Variants in DLG2 observed in about 807,000 individuals in gnomAD.
DLG2 encodes the protein discs large MAGUK scaffold protein 2, also known as disks large homolog 2.
DLG2 carries 45 observed loss-of-function variants against 132.5 expected under a neutral mutation model. The ratio of observed to expected loss-of-function variants is 0.34; its 90% CI spans 0.27 to 0.44. The LOEUF (loss-of-function observed/expected upper bound fraction) is 0.44. Among genes scored for constraint, DLG2 ranks in the 20% least tolerant of loss-of-function variants. The probability of loss-of-function intolerance (pLI) is 1.00; values close to 1 mark genes in which losing one functional copy is unlikely to be tolerated. For synonymous variants in DLG2, 424 were observed against 419.6 expected (o/e 1.01, Z -0.13); for missense variants, 1,045 against 1,196.9 (o/e 0.87, Z 1.87).
intron 6 of DLG2, among the ~76,000 whole-genome samples, chr11:85,075,258 A>C (rs1013388029): frequency 5.3e-5 from 8 of 151,924 alleles, no homozygotes; most frequent in Non-Finnish European, 1.0e-4. Context: ...CTTTGGCAAT[A>C]TCTCTTAAAA....
chr11:85,354,728 T>TTCTC (rs371530943), intron 3 of DLG2, among the ~76,000 whole-genome samples: 7 of 149,476 alleles, frequency 4.7e-5, no homozygotes, highest in Admixed American at 2.0e-4. Context: ...ACGTCACTGT[T>TTCTC]TCTCTCTCTC....
At chr11:84,523,158 A>T (rs2099309680) in intron 7 of DLG2, among the ~76,000 whole-genome samples, 1 of 152,178 alleles carries the variant, frequency 6.6e-6, no homozygotes, top group Non-Finnish European at 1.5e-5. Context: ...TTAAATTTAG[A>T]TTTGTTCTTA....
At chr11:83,891,655 T>C (rs1439790872) in intron 15 of DLG2, among the ~76,000 whole-genome samples, 2 of 152,120 alleles carry the variant, frequency 1.3e-5, no homozygotes, top group African/African-American at 4.8e-5. Context: ...CAGGGACCAG[T>C]CCTTACAGAG....
At chr11:85,095,969 T>G (rs933148907) in intron 6 of DLG2, among the ~76,000 whole-genome samples, 11 of 152,204 alleles carry the variant, frequency 7.2e-5, no homozygotes, top group Non-Finnish European at 1.0e-4. Context: ...AGAACCTTCG[T>G]GTCTAGCTAA....
At chr11:85,447,769 G>A (rs1012821238) in intron 3 of DLG2, among the ~76,000 whole-genome samples, 1 of 151,848 alleles carries the variant, frequency 6.6e-6, no homozygotes, top group Non-Finnish European at 1.5e-5. Context: ...ATTATGAAAA[G>A]GTCAAATCCC....
At position 84,943,153 on chromosome 11, in the gene DLG2, CGTGTGTGTGT is replaced by C. The variant is rs148197793; in HGVS notation, c.357+168498_357+168507del. Reference sequence around the variant, plus strand: ...TCCTGTAGGCCACAGATTTTTGGGTCGTGTGTGTGTGTGCGTGTGTGTGTGTGTGTGTGTG... The same window carrying C: ...TCCTGTAGGCCACAGATTTTTGGGTCGTGCGTGTGTGTGTGTGTGTGTGTG... On this transcript the variant is annotated intron_variant, in intron 6 of 27. Transcript: ENST00000376104. Among the ~76,000 whole-genome samples, 161 of 136,466 alleles carry C rather than the reference CGTGTGTGTGT, an allele frequency of 1.2e-3. 2 individuals are homozygous for C. Among genetic ancestry groups the C allele is most frequent in the African/African-American group, 4.5e-3 (157 of 35,068 alleles). 89.5% of individuals were successfully genotyped at this position (136,466 alleles called of 152,430 possible).
chr11:83,858,568 T>C (rs1051138939), intron 16 of DLG2, among the ~76,000 whole-genome samples: 7 of 152,174 alleles, frequency 4.6e-5, no homozygotes, highest in Non-Finnish European at 8.8e-5. Context: ...CTTAGATCAT[T>C]TTCTCACAAG....
intron 7 of DLG2, among the ~76,000 whole-genome samples, chr11:84,296,072 G>T (rs2098084719): frequency 6.6e-6 from 1 of 152,144 alleles, no homozygotes; most frequent in African/African-American, 2.4e-5. Context: ...CAATTGGTCT[G>T]GAAGGTGCAG....
intron 6 of DLG2, among the ~76,000 whole-genome samples, chr11:84,672,825 A>G (rs1378475160): frequency 6.6e-6 from 1 of 152,114 alleles, no homozygotes; most frequent in East Asian, 1.9e-4. Flanking sequence ...GGTAATTTAT[A>G]AACAAAAAAA....
chr11:83,461,505 G>C (rs2090006153), intron 27 of DLG2: 1 of 152,768 alleles, frequency 6.5e-6, no homozygotes, highest in Non-Finnish European at 1.5e-5. Context: ...ACTTGACACA[G>C]TGAACTGAAA....
At chr11:83,743,636 G>A (rs2092704518) in intron 18 of DLG2, among the ~76,000 whole-genome samples, 1 of 151,864 alleles carries the variant, frequency 6.6e-6, no homozygotes, top group African/African-American at 2.4e-5. Context: ...ATTTCACTAT[G>A]TTGCCCAGGC....
intron 3 of DLG2, among the ~76,000 whole-genome samples, chr11:85,342,726 C>T (rs747095507): frequency 1.3e-4 from 20 of 152,104 alleles, no homozygotes; most frequent in Admixed American, 9.2e-4. Flanking sequence ...TCGCCACAAA[C>T]GCATGAGTAA....
intron 11 of DLG2, among the ~76,000 whole-genome samples, chr11:83,984,531 G>A (rs1315288821): frequency 1.3e-5 from 2 of 152,004 alleles, no homozygotes; most frequent in African/African-American, 4.8e-5. Flanking sequence ...ATTTACAGGT[G>A]GAAATATCTA....
rs116066237 is a variant in DLG2 at position 84,806,152 on chromosome 11, A to G, written c.358-271421T>C. On this transcript the variant is annotated intron_variant, in intron 6 of 27. Coordinates refer to ENST00000376104, the MANE Select transcript of DLG2 (RefSeq NM_001142699.3). ...ATGAATTAAAACAATATATTGACCT[A>G]AAAAATCACAAGAGCCTCAGGGATC... 7.3e-3 allele frequency among the ~76,000 whole-genome samples: 1,117 copies of G among 152,304 alleles called. 17 individuals carry two copies. The highest frequency in any genetic ancestry group is 0.025 in the African/African-American group (1,020 of 41,564).
rs139368947 is a variant in DLG2 at position 85,601,678 on chromosome 11, C to G, written c.-92-2890G>C. 1.3e-3 allele frequency among the ~76,000 whole-genome samples: 201 copies of G among 152,228 alleles called. 1 individual carries two copies. The highest frequency in any genetic ancestry group is 4.6e-3 in the African/African-American group (190 of 41,540). On this transcript the variant is annotated intron_variant, in intron 2 of 27. Coordinates refer to ENST00000376104, the MANE Select transcript of DLG2 (RefSeq NM_001142699.3). ...ATGGCTGTATTGTCTTGCAAATTTG[C>G]TGAAAATTTAATGATAAGCTCTTGC...
Position 85,366,690 on chromosome 11 carries a change from G to A in DLG2, c.41-81325C>T, listed in dbSNP as rs144861132. ...TTGGGGGGTAGAGGATAAGTTCCTAGGGAATTTGCTGGATAAGAGAGTTAA... is the reference window on the plus strand; with the variant it reads ...TTGGGGGGTAGAGGATAAGTTCCTAAGGAATTTGCTGGATAAGAGAGTTAA... On this transcript the variant is annotated intron_variant, in intron 3 of 27. Transcript: ENST00000376104. Among the ~76,000 whole-genome samples, 700 of 152,208 alleles carry A rather than the reference G, an allele frequency of 4.6e-3. 27 individuals carry two copies. The highest frequency in any genetic ancestry group is 0.037 in the Admixed American group (560 of 15,276).
intron 11 of DLG2, among the ~76,000 whole-genome samples, chr11:84,044,171 A>T (rs1257438511): frequency 6.6e-6 from 1 of 151,754 alleles, no homozygotes; most frequent in African/African-American, 2.4e-5. Context: ...AAACCTCCAA[A>T]CTGTACATAA....
intron 6 of DLG2, among the ~76,000 whole-genome samples, chr11:84,791,566 C>T (rs2073850374): frequency 6.6e-6 from 1 of 152,112 alleles, no homozygotes; most frequent in African/African-American, 2.4e-5. Context: ...TTCTTCCAAT[C>T]CATGAACATG....
At chr11:84,776,461 T>C (rs2070514083) in intron 6 of DLG2, among the ~76,000 whole-genome samples, 1 of 152,194 alleles carries the variant, frequency 6.6e-6, no homozygotes, top group African/African-American at 2.4e-5. Context: ...TGGCCTGTGA[T>C]GTTTGATTAA....
Sources: gnomAD v4.1 joint callset for allele counts (sites outside exome capture counted in the v4.1 genomes callset) on GRCh38, gnomAD v4.1.1 for gene constraint, MANE v1.5 for transcripts, NCBI Gene and HGNC (gene_info 2026-07-23, HGNC 2026-07-21) for gene names.